The following EPHA6 variants were observed in gnomAD, a reference collection of about 807,000 sequenced individuals.
EPHA6 encodes the protein ephrin type-A receptor 6.
Under a neutral mutation model 112.0 loss-of-function variants are expected in EPHA6, and 50 were observed. The ratio of observed to expected loss-of-function variants is 0.45; its 90% CI spans 0.36 to 0.56. EPHA6 has a LOEUF of 0.56. Ranked by LOEUF, EPHA6 falls within the 20% of genes least tolerant of loss-of-function variation. The probability of loss-of-function intolerance (pLI) is 0.00; values close to 1 mark genes in which losing one functional copy is unlikely to be tolerated. For synonymous variants in EPHA6, 529 were observed against 490.7 expected, an observed-to-expected ratio of 1.08 and a Z score of -1.03; for missense variants, 1,280 against 1,417.4, an observed-to-expected ratio of 0.90 and a Z score of 1.56.
chr3:97,001,142 T>C (rs1259961661), intron 3 of EPHA6, among the ~76,000 whole-genome samples: 1 of 151,512 alleles, frequency 6.6e-6, no homozygotes, highest in African/African-American at 2.4e-5. Context: ...ATTCTCTTTA[T>C]ATAGAAATAA....
At chr3:97,729,471 T>C (rs1241001659) in intron 15 of EPHA6, among the ~76,000 whole-genome samples, 1 of 151,992 alleles carries the variant, frequency 6.6e-6, no homozygotes, top group Non-Finnish European at 1.5e-5. Flanking sequence ...GGGACTGCCC[T>C]TTGTAAAACC....
At chr3:97,266,828 C>CT (rs375722928) in intron 5 of EPHA6, among the ~76,000 whole-genome samples, 2 of 148,924 alleles carry the variant, frequency 1.3e-5, no homozygotes, top group Admixed American at 6.6e-5. Context: ...TGATATTTTG[C>CT]TTTTTTTTAA....
intron 1 of EPHA6, among the ~76,000 whole-genome samples, chr3:96,833,800 CTG>C (rs1469998791): frequency 2.6e-5 from 4 of 151,940 alleles, no homozygotes; most frequent in African/African-American, 9.7e-5. Flanking sequence ...TGCAATTCCA[CTG>C]TTAGTTATTT....
At chr3:97,598,792 GGC>G (rs2093617121) in intron 12 of EPHA6, among the ~76,000 whole-genome samples, 1 of 151,706 alleles carries the variant, frequency 6.6e-6, no homozygotes, top group Non-Finnish European at 1.5e-5. Flanking sequence ...GTAATGGGAT[GGC>G]TGGGTCAAAT....
At chr3:97,184,556 A>T (rs1253346530) in intron 3 of EPHA6, among the ~76,000 whole-genome samples, 3 of 152,188 alleles carry the variant, frequency 2.0e-5, no homozygotes, top group Non-Finnish European at 4.4e-5. Flanking sequence ...TGCTCAATGA[A>T]ATAAAAGAGG....
chr3:97,184,121 T>A (rs1471788696), intron 3 of EPHA6, among the ~76,000 whole-genome samples: 1 of 152,148 alleles, frequency 6.6e-6, no homozygotes, highest in Admixed American at 6.6e-5. Context: ...ACCACTCTAA[T>A]AGCTTTAAAA....
chr3:97,180,535 A>T (rs2076959510), intron 3 of EPHA6, among the ~76,000 whole-genome samples: 2 of 152,028 alleles, frequency 1.3e-5, no homozygotes, highest in African/African-American at 4.8e-5. Context: ...ACTGCTGGTT[A>T]TTCAGGGTCC....
chr3:97,356,370 T>C lies in EPHA6; in HGVS notation c.1607-48780T>C, dbSNP rs377235818. Among the ~76,000 whole-genome samples the C allele has an allele frequency of 4.5e-4, 69 of 152,306 alleles. No individual in the cohort carries two copies. The East Asian group carries it at 0.012, about 26-fold the overall frequency. On this transcript the variant is annotated intron_variant, in intron 5 of 17. Coordinates refer to ENST00000389672, the MANE Select transcript of EPHA6 (RefSeq NM_001080448.3). ...GAAATAAAGTACAAAATAAATGTAATGTGCTTGAATCATCCCAAAACCATC... is the reference window on the plus strand; with the variant it reads ...GAAATAAAGTACAAAATAAATGTAACGTGCTTGAATCATCCCAAAACCATC...
chr3:96,974,125 C>A (rs2042426264), intron 2 of EPHA6, among the ~76,000 whole-genome samples: 1 of 143,846 alleles, frequency 7.0e-6, no homozygotes, highest in African/African-American at 2.5e-5. Flanking sequence ...TAATATAAAG[C>A]TTTATTATAC....
At chr3:96,837,073 C>G (rs144828704) in intron 1 of EPHA6, among the ~76,000 whole-genome samples, 5 of 152,082 alleles carry the variant, frequency 3.3e-5, no homozygotes, top group Admixed American at 3.3e-4. Flanking sequence ...ATAGGGAGGC[C>G]AAGAGGAATT....
intron 11 of EPHA6, among the ~76,000 whole-genome samples, chr3:97,546,634 C>A (rs542455063): frequency 5.3e-5 from 8 of 152,184 alleles, no homozygotes; most frequent in African/African-American, 1.9e-4. Flanking sequence ...TTGGGAAGTT[C>A]TCCTGGATAA....
At position 96,939,381 on chromosome 3, in the gene EPHA6, A is replaced by C. The variant is rs548954384; in HGVS notation, c.451-47949A>C. Among the ~76,000 whole-genome samples the C allele has an allele frequency of 5.9e-5, 9 of 152,248 alleles. No homozygotes were observed. In the South Asian group the frequency reaches 1.9e-3, roughly 32 times the overall value. On this transcript the variant is annotated intron_variant, in intron 2 of 17. Coordinates refer to ENST00000389672, the MANE Select transcript of EPHA6 (RefSeq NM_001080448.3). Reference sequence around the variant, plus strand: ...TTTATCCACTTCTTCTAGATTTTCTAGTTTATTTGCGTAGAGATGTTTGTA... The same window carrying C: ...TTTATCCACTTCTTCTAGATTTTCTCGTTTATTTGCGTAGAGATGTTTGTA...
At chr3:97,434,207 G>T (rs980267564) in intron 6 of EPHA6, among the ~76,000 whole-genome samples, 1 of 152,062 alleles carries the variant, frequency 6.6e-6, no homozygotes, top group Non-Finnish European at 1.5e-5. Context: ...ATAAGTAACA[G>T]CATAGAATTT....
chr3:97,369,554 T>C (rs1437599845), intron 5 of EPHA6, among the ~76,000 whole-genome samples: 1 of 152,162 alleles, frequency 6.6e-6, no homozygotes, highest in Non-Finnish European at 1.5e-5. Context: ...GGGAAAGCTG[T>C]GGGAGCCTCA....
chr3:97,634,543 G>C (rs1481206696), intron 13 of EPHA6, among the ~76,000 whole-genome samples: 2 of 152,050 alleles, frequency 1.3e-5, no homozygotes, highest in Admixed American at 6.6e-5. Context: ...AGGGCTCACA[G>C]GACCAGCTTC....
chr3:97,072,577 T>A (rs1227686271), intron 3 of EPHA6, among the ~76,000 whole-genome samples: 2 of 152,128 alleles, frequency 1.3e-5, no homozygotes, highest in Non-Finnish European at 2.9e-5. Flanking sequence ...CAGTATATGA[T>A]GGTTTATATG....
At chr3:97,270,944 A>T (rs2079857044) in intron 5 of EPHA6, among the ~76,000 whole-genome samples, 1 of 152,236 alleles carries the variant, frequency 6.6e-6, no homozygotes, top group African/African-American at 2.4e-5. Flanking sequence ...TCAGTTGCCC[A>T]AACTCTGCTG....
At chr3:97,286,908 A>T (rs1353810145) in intron 5 of EPHA6, among the ~76,000 whole-genome samples, 1 of 151,714 alleles carries the variant, frequency 6.6e-6, no homozygotes, top group Non-Finnish European at 1.5e-5. Flanking sequence ...ATCTTTTTCA[A>T]TCACTTTCGT....
intron 3 of EPHA6, among the ~76,000 whole-genome samples, chr3:97,082,753 T>C (rs1053911949): frequency 2.0e-5 from 3 of 151,728 alleles, no homozygotes; most frequent in Non-Finnish European, 4.4e-5. Context: ...TTTAGTCTTT[T>C]CTCTGGCCTG....
Sources: allele counts gnomAD v4.1 joint callset (sites outside exome capture counted in the v4.1 genomes callset), GRCh38; gene constraint gnomAD v4.1.1; transcripts MANE v1.5; gene names NCBI Gene and HGNC (gene_info 2026-07-23, HGNC 2026-07-21).